Variants in CACNA2D1 observed in about 807,000 individuals in gnomAD.
The protein encoded by CACNA2D1 is voltage-dependent calcium channel subunit alpha-2/delta-1.
CACNA2D1 carries 53 observed loss-of-function variants against 171.5 expected under a neutral mutation model. The observed-to-expected ratio is 0.31, with a 90% CI of 0.25 to 0.39. CACNA2D1 has a LOEUF of 0.39. Ranked by LOEUF, CACNA2D1 falls within the 10% of genes least tolerant of loss-of-function variation. The probability of loss-of-function intolerance (pLI) is 1.00; values close to 1 mark genes in which losing one functional copy is unlikely to be tolerated. For synonymous variants in CACNA2D1, 442 were observed against 443.1 expected, an observed-to-expected ratio of 1.00 and a Z score of 0.03; for missense variants, 903 against 1,299.8, an observed-to-expected ratio of 0.69 and a Z score of 4.69.
At chr7:81,997,402 A>G (rs917374850) in intron 18 of CACNA2D1, 152 bp from the exon 19 acceptor site, 4 of 408,270 alleles carry the variant, frequency 9.8e-6, no homozygotes, top group Non-Finnish European at 1.7e-5. Flanking sequence ...TATTTTATAT[A>G]TATATATAGC....
intron 3 of CACNA2D1, among the ~76,000 whole-genome samples, chr7:82,199,440 G>A (rs1307169599): frequency 1.3e-5 from 2 of 152,028 alleles, no homozygotes; most frequent in Non-Finnish European, 2.9e-5. Flanking sequence ...CGTAAAAAAT[G>A]TTTTGCAGTA....
intron 1 of CACNA2D1, among the ~76,000 whole-genome samples, chr7:82,412,241 C>G (rs1827750310): frequency 6.7e-6 from 1 of 149,738 alleles, no homozygotes; most frequent in Non-Finnish European, 1.5e-5. Context: ...GCTTCACTTA[C>G]ATATTTGTAA....
chr7:81,984,746 A>T (rs764332624), intron 21 of CACNA2D1, 35 bp from the exon 22 acceptor site: 3 of 1,088,744 alleles, frequency 2.8e-6, no homozygotes, highest in Non-Finnish European at 4.2e-6. Context: ...AAACACAAAC[A>T]AACAAAAATG....
At chr7:82,192,276 C>A (rs541824472) in intron 3 of CACNA2D1, among the ~76,000 whole-genome samples, 4 of 151,598 alleles carry the variant, frequency 2.6e-5, no homozygotes, top group South Asian at 2.1e-4. Flanking sequence ...GTGCTGAGTG[C>A]CAAGCATTGT....
chr7:82,320,652 C>T (rs1815696470), intron 3 of CACNA2D1, among the ~76,000 whole-genome samples: 1 of 149,692 alleles, frequency 6.7e-6, no homozygotes, highest in Non-Finnish European at 1.5e-5. Context: ...TGGCCTCAAG[C>T]AATCCTCCTG....
At chr7:82,376,583 C>G (rs1285644943) in intron 1 of CACNA2D1, among the ~76,000 whole-genome samples, 1 of 152,200 alleles carries the variant, frequency 6.6e-6, no homozygotes, top group Non-Finnish European at 1.5e-5. Flanking sequence ...GGAACAGTTG[C>G]ACACTTCTTT....
intron 3 of CACNA2D1, among the ~76,000 whole-genome samples, chr7:82,324,333 G>A (rs981433137): frequency 2.0e-5 from 3 of 150,272 alleles, no homozygotes; most frequent in African/African-American, 7.4e-5. Flanking sequence ...ACTCCAGCCT[G>A]GGCAACAAGA....
At chr7:82,406,213 G>A (rs958632127) in intron 1 of CACNA2D1, among the ~76,000 whole-genome samples, 2 of 152,094 alleles carry the variant, frequency 1.3e-5, no homozygotes, top group Non-Finnish European at 2.9e-5. Context: ...TACAAAGTAG[G>A]ACATGAACTC....
At chr7:82,221,651 G>A (rs910188109) in intron 3 of CACNA2D1, among the ~76,000 whole-genome samples, 2 of 151,936 alleles carry the variant, frequency 1.3e-5, no homozygotes, top group Admixed American at 6.6e-5. Context: ...GGCTGAGGCA[G>A]GAGAATCGCT....
Position 82,106,026 on chromosome 7 carries a change from C to A in CACNA2D1, c.526+11018G>T, listed in dbSNP as rs139598947. ...AAATTTACATATAACTTCATTTGAT[C>A]TAATGACAAATGTTGACTAAATCCA... On this transcript the variant is annotated intron_variant, in intron 6 of 38. Transcript: ENST00000356860. Among the ~76,000 whole-genome samples the A allele has an allele frequency of 9.2e-3, 1,394 of 152,176 alleles. 14 individuals are homozygous for A. Among genetic ancestry groups the A allele is most frequent in the African/African-American group, 0.025 (1,051 of 41,510 alleles).
intron 1 of CACNA2D1, among the ~76,000 whole-genome samples, chr7:82,438,551 G>A (rs73704295): frequency 0.12 from 17,939 of 152,082 alleles, 1,160 homozygotes; most frequent in Middle Eastern, 0.18. Flanking sequence ...CTACGCAATC[G>A]TTTACATGTT....
intron 3 of CACNA2D1, among the ~76,000 whole-genome samples, chr7:82,196,068 A>AG (rs5885276): frequency 0.6 from 91,178 of 151,730 alleles, 28,537 homozygotes; most frequent in East Asian, 0.8. Flanking sequence ...ATTTACAACC[A>AG]CCTCTTTTGG....
At chr7:82,389,732 T>C (rs1332111494) in intron 1 of CACNA2D1, among the ~76,000 whole-genome samples, 1 of 152,214 alleles carries the variant, frequency 6.6e-6, no homozygotes, top group Non-Finnish European at 1.5e-5. Context: ...TAACTGTATT[T>C]AATTTCCTGG....
At chr7:82,155,727 T>C (rs796757129) in intron 4 of CACNA2D1, among the ~76,000 whole-genome samples, 57 of 152,236 alleles carry the variant, frequency 3.7e-4, no homozygotes, top group African/African-American at 1.3e-3. Context: ...CAAAGCATAA[T>C]GCTGATGACA....
chr7:82,002,452 T>C (rs1418302261), intron 18 of CACNA2D1, among the ~76,000 whole-genome samples: 1 of 152,192 alleles, frequency 6.6e-6, no homozygotes, highest in East Asian at 1.9e-4. Flanking sequence ...ACCAAGAAAA[T>C]TGTACGATAT....
chr7:82,301,477 C>CT (rs1036443471), intron 3 of CACNA2D1, among the ~76,000 whole-genome samples: 18 of 151,970 alleles, frequency 1.2e-4, no homozygotes, highest in African/African-American at 3.9e-4. Flanking sequence ...TCATTTTTCT[C>CT]TTATAAACTT....
chr7:82,178,096 A>G (rs1162991045), intron 3 of CACNA2D1, among the ~76,000 whole-genome samples: 1 of 152,174 alleles, frequency 6.6e-6, no homozygotes, highest in African/African-American at 2.4e-5. Flanking sequence ...TGCAAAACAT[A>G]TAAATAAAAC....
intron 6 of CACNA2D1, among the ~76,000 whole-genome samples, chr7:82,090,035 TG>T (rs1810959612): frequency 6.6e-6 from 1 of 152,210 alleles, no homozygotes; most frequent in African/African-American, 2.4e-5. Flanking sequence ...TGAAATGTGA[TG>T]TTTTGATACA....
rs1439059599 is a variant in CACNA2D1, at chr7:82,402,626, G to A, written c.95+40739C>T. On this transcript the variant is annotated intron_variant, in intron 1 of 38. Coordinates refer to ENST00000356860, the MANE Select transcript of CACNA2D1 (RefSeq NM_000722.4). ...TTCGGGAGGCTGAGGCAGGAGAATC[G>A]CTTGAACCCAGGAGGCGGAGGTTGC... Among the ~76,000 whole-genome samples the A allele has an allele frequency of 4.2e-5, 6 of 141,530 alleles. No homozygotes were observed. In the East Asian group the frequency reaches 8.7e-4, roughly 20 times the overall value. The allele number at this position is 141,530 out of a possible 152,430, so 92.8% of individuals were successfully genotyped here. A position where few individuals can be genotyped will look rare whatever the true frequency, so the allele number is the denominator to read the frequency against.
Sources: gnomAD v4.1 joint callset for allele counts (sites outside exome capture counted in the v4.1 genomes callset) on GRCh38, gnomAD v4.1.1 for gene constraint, MANE v1.5 for transcripts, NCBI Gene and HGNC (gene_info 2026-07-23, HGNC 2026-07-21) for gene names.